The following DUOX2 variants were observed in gnomAD, a reference collection of about 807,000 sequenced individuals.
The protein encoded by DUOX2 is dual oxidase 2.
Under a neutral mutation model 183.3 loss-of-function variants are expected in DUOX2, and 185 were observed. The observed-to-expected ratio is 1.01, with a 90% CI of 0.90 to 1.14. The LOEUF is 1.14. DUOX2 is among the 50% of genes most tolerant of loss of function. The pLI is 0.00. For missense variants in DUOX2, 1,999 were observed against 2,022.9 expected (o/e 0.99, Z 0.23); for synonymous variants, 788 against 812.4 (o/e 0.97, Z 0.51).
chr15:45,093,812 G>C lies in DUOX2; in HGVS notation c.*338C>G, dbSNP rs574361776. 1 of 339,430 alleles carries C rather than the reference G, an allele frequency of 2.9e-6. No homozygotes were observed. The highest frequency in any genetic ancestry group is 6.8e-5 in the East Asian group (1 of 14,732). 21.0% of individuals were successfully genotyped at this position (339,430 alleles called of 1,614,324 possible). ...TTGCTTGCCACGCCTGCCATGGCTTGAGCTGGGGTGAGGAGTGGTCTTTAT... is the reference window on the plus strand; with the variant it reads ...TTGCTTGCCACGCCTGCCATGGCTTCAGCTGGGGTGAGGAGTGGTCTTTAT... On this transcript the variant is annotated 3_prime_UTR_variant, in exon 34 of 34. Transcript: ENST00000389039.
At chr15:45,112,232 G>C (rs1289268403) in intron 4 of DUOX2, among the ~76,000 whole-genome samples, 1 of 152,176 alleles carries the variant, frequency 6.6e-6, no homozygotes, top group African/African-American at 2.4e-5. Context: ...CTCCCTCTGG[G>C]CTAGGGGGAG....
At position 45,096,053 on chromosome 15, in the gene DUOX2, G is replaced by A. The variant is rs767698445; in HGVS notation, c.3855C>T (p.Thr1285=). The A allele has an allele frequency of 1.9e-6, 3 of 1,613,784 alleles. No homozygotes were observed. The highest frequency in any genetic ancestry group is 1.3e-5 in the African/African-American group (1 of 74,886). The stretch of plus-strand genomic sequence containing the variant: ...CTTGGGGCCTCTGGAATTGCAGGTA[G>A]GTCACTCCTGGAGGTCATAGACAGG... The part of the protein sequence containing the change: ...VKAELLPSGV[T]YLQFQRPQGF... Residue 1285 remains threonine (T), a synonymous_variant, in exon 30 of 34, where the codon ACC becomes ACT. Coordinates refer to ENST00000389039, the MANE Select transcript of DUOX2 (RefSeq NM_001363711.2).
chr15:45,095,496 A>C lies in DUOX2; in HGVS notation c.4180T>G (p.Ser1394Ala). 2 of 1,614,204 alleles carry C rather than the reference A, an allele frequency of 1.2e-6. No individual in the cohort carries two copies. The highest frequency in any genetic ancestry group is 1.7e-6 in the Non-Finnish European group (2 of 1,180,026). ...GGGIGVTPFA[S>A]ILKDLVFKSS... ...TTGAAGACCAGGTCTTTGAGGATGG[A>C]GGCAAAGGGGGTGACCCCAATGCCC... Residue 1394 changes from serine (S) to alanine (A), a missense_variant, in exon 31 of 34, where the codon TCC (serine) becomes GCC (alanine). By Grantham distance (99) the Ser-to-Ala change is moderately conservative. Transcript: ENST00000389039.
rs1358886500 is a variant in DUOX2 at position 45,113,328 on chromosome 15, A to G, written c.70+14T>C. ...CTGGGGAACACCCCGCCGCTAGAGG[A>G]GCCTGATACTTGCCCGATGGACCCA... is the stretch of plus-strand genomic sequence containing the variant. On this transcript the variant is annotated intron_variant, in intron 2 of 33. Coordinates refer to ENST00000389039, the MANE Select transcript of DUOX2 (RefSeq NM_001363711.2). 1 of 1,556,640 alleles carries G rather than the reference A, an allele frequency of 6.4e-7. No homozygotes were observed. Among genetic ancestry groups the G allele is most frequent in the Non-Finnish European group, 8.7e-7 (1 of 1,149,440 alleles).
In DUOX2 at chr15:45,099,769, C is replaced by T. The variant is rs149907592; in HGVS notation, c.3308G>A (p.Arg1103His). The change falls in exon 25 of 34, where the codon CGC becomes CAC. Residue 1103 changes from arginine to histidine, a missense_variant. Arg to His is a conservative substitution (Grantham distance 29). Coordinates refer to ENST00000389039, the MANE Select transcript of DUOX2 (RefSeq NM_001363711.2). ...CTCTCGCAGGAAGGTTATGAGGTTG[C>T]GGCACATGGTGAGCAAGATATAAGA... The part of the protein sequence containing the change: ...MFSYILLTMC[R>H]NLITFLRETF... 27 of 1,614,038 alleles carry T rather than the reference C, an allele frequency of 1.7e-5. No homozygotes were observed. The highest frequency in any genetic ancestry group is 8.8e-5 in the South Asian group (8 of 91,092).
Position 45,095,951 on chromosome 15 carries a change from T to C in DUOX2, c.3957A>G (p.Thr1319=). ...TGTCCTCATGGGGCGCGGAGGTCAG[T>C]GTGAAGGGGTGGTACTCGGTGGTCC... ...ALGTTEYHPF[T]LTSAPHEDTL... Residue 1319 remains threonine, a synonymous_variant, in exon 30 of 34, where the codon ACA becomes ACG. Coordinates refer to ENST00000389039, the MANE Select transcript of DUOX2 (RefSeq NM_001363711.2). 1 of 1,613,738 alleles carries C rather than the reference T, an allele frequency of 6.2e-7. No individual in the cohort carries two copies. Among genetic ancestry groups the C allele is most frequent in the Non-Finnish European group, 8.5e-7 (1 of 1,179,946 alleles).
At chr15:45,096,808 A>T (rs1215733825) in intron 29 of DUOX2, among the ~76,000 whole-genome samples, 2 of 152,158 alleles carry the variant, frequency 1.3e-5, no homozygotes, top group African/African-American at 4.8e-5. Flanking sequence ...ACCCTCTATG[A>T]TGATACCAAT....
Position 45,094,260 on chromosome 15 carries a change from C to A in DUOX2, c.4537G>T (p.Gly1513Trp). 2.5e-6 allele frequency: 4 copies of A among 1,614,166 alleles called. No individual in the cohort carries two copies. The highest frequency in any genetic ancestry group is 3.4e-6 in the Non-Finnish European group (4 of 1,180,038). Residue 1513 changes from glycine to tryptophan, a missense_variant, in exon 34 of 34, where the codon GGG (glycine) becomes TGG (tryptophan). This residue lies in a region of DUOX2 where 1,628 missense variants were observed against 1,608.6 expected (regional missense o/e 1.01). Transcript: ENST00000389039. Reference sequence around the variant, plus strand: ...CCTGGAGGGCCGCAGCTGAACACCCCGATCTTGCGCACCTGTCAGGAGATT... The same window carrying A: ...CCTGGAGGGCCGCAGCTGAACACCCAGATCTTGCGCACCTGTCAGGAGATT... ...QEVHPQVRKI[G>W]VFSCGPPGMT...
In DUOX2 at chr15:45,101,915, T is replaced by C. The variant is rs143787928; in HGVS notation, c.2729A>G (p.Glu910Gly). ...LAEVVESMFR[E>G]SGFQDKEELT... ...CTCCTCCTTGTCCTGGAATCCCGACTCCCGGAACATAGACTCCACCACCTC... is the reference window on the plus strand; with the variant it reads ...CTCCTCCTTGTCCTGGAATCCCGACCCCCGGAACATAGACTCCACCACCTC... Residue 910 changes from glutamate to glycine, a missense_variant, in exon 21 of 34, where the codon GAG becomes GGG. Coordinates refer to ENST00000389039, the MANE Select transcript of DUOX2 (RefSeq NM_001363711.2). 2.4e-5 allele frequency: 38 copies of C among 1,614,026 alleles called. No individual in the cohort carries two copies. The highest frequency in any genetic ancestry group is 3.1e-5 in the Non-Finnish European group (37 of 1,180,040).
rs763354648 is a variant in DUOX2, at chr15:45,095,955, A to G, written c.3953T>C (p.Phe1318Ser). ...LALGTTEYHP[F>S]TLTSAPHEDT... ...CTCATGGGGCGCGGAGGTCAGTGTG[A>G]AGGGGTGGTACTCGGTGGTCCCCAG... The change falls in exon 30 of 34, where the codon TTC becomes TCC. Residue 1318 changes from phenylalanine to serine, a missense_variant. By Grantham distance (155) the Phe-to-Ser change is radical (BLOSUM62 -2). Around this residue, in one of 3 missense-constraint regions of DUOX2, gnomAD observed 1,628 missense variants for 1,608.6 expected, o/e 1.01. Coordinates refer to ENST00000389039, the MANE Select transcript of DUOX2 (RefSeq NM_001363711.2). The G allele has an allele frequency of 6.2e-7, 1 of 1,613,864 alleles. No individual in the cohort carries two copies. The highest frequency in any genetic ancestry group is 1.1e-5 in the South Asian group (1 of 91,052).
intron 16 of DUOX2, 23 bp downstream of exon 16, chr15:45,106,505 T>C (rs1396660077): frequency 6.2e-7 from 1 of 1,611,768 alleles, no homozygotes; most frequent in Non-Finnish European, 8.5e-7. Context: ...CCCTCCTCCC[T>C]CCTCTGCCCA....
At chr15:45,099,580 A>G in intron 25 of DUOX2, 82 bp downstream of exon 25, 2 of 1,566,344 alleles carry the variant, frequency 1.3e-6, no homozygotes, top group South Asian at 1.1e-5. Flanking sequence ...ATGGAGGTAT[A>G]AGGAGTTCCA....
intron 5 of DUOX2, 62 bp from the exon 6 acceptor site, chr15:45,111,647 G>A: frequency 1.4e-6 from 2 of 1,453,932 alleles, no homozygotes; most frequent in South Asian, 1.4e-5. Flanking sequence ...GGAAGGCCGG[G>A]GCCCGGCGGG....
rs759378295 is a variant in DUOX2, at chr15:45,099,822, G to C, written c.3255C>G (p.Gly1085=). ...TTLVGIILSR[G]TAASVSFMFS... ...ACATGAAGGAGACGCTGGCCGCCGTGCCTCGTGACAGGATGATGCCCACGA... is the reference window on the plus strand; with the variant it reads ...ACATGAAGGAGACGCTGGCCGCCGTCCCTCGTGACAGGATGATGCCCACGA... The change falls in exon 25 of 34, where the codon GGC becomes GGG. Residue 1085 remains glycine (G), a synonymous_variant. Transcript: ENST00000389039. The C allele has an allele frequency of 6.2e-7, 1 of 1,614,238 alleles. No individual in the cohort carries two copies.
chr15:45,094,827 C>T (rs1379772120), intron 32 of DUOX2, 109 bp downstream of exon 32: 4 of 1,594,108 alleles, frequency 2.5e-6, no homozygotes, highest in African/African-American at 2.7e-5. Flanking sequence ...CAGCTCTGTG[C>T]CTCCTGCCAG....
Position 45,105,637 on chromosome 15 carries a change from T to C in DUOX2, c.2334+6A>G, listed in dbSNP as rs377668847. 2.7e-5 allele frequency: 43 copies of C among 1,614,086 alleles called. No homozygotes were observed. The African/African-American group carries it at 5.3e-4, about 20-fold the overall frequency. ...ACCCATCTCCAAAAGGCACAGGTCA[T>C]GGCACCTGAGCAAAAAGGTGTCTGA... On this transcript the variant is annotated splice_donor_region_variant and intron_variant, in intron 18 of 33. Coordinates refer to ENST00000389039, the MANE Select transcript of DUOX2 (RefSeq NM_001363711.2).
At position 45,108,533 on chromosome 15, in the gene DUOX2, A is replaced by G. The variant is rs547699336; in HGVS notation, c.1398+256T>C. The G allele has an allele frequency of 1.3e-5, 8 of 608,358 alleles. No individual in the cohort carries two copies. In the East Asian group the frequency reaches 1.7e-4, roughly 13 times the overall value. 37.7% of individuals were successfully genotyped at this position (608,358 alleles called of 1,614,324 possible). A position where few individuals can be genotyped will look rare whatever the true frequency, so the allele number is the denominator to read the frequency against. On this transcript the variant is annotated intron_variant, in intron 12 of 33. Coordinates refer to ENST00000389039, the MANE Select transcript of DUOX2 (RefSeq NM_001363711.2). ...GGTGGGACCCTGCAGCAACAGGACA[A>G]TGGCACCCAACCCAGAAGCCACCCT...
intron 29 of DUOX2, 57 bp from the exon 30 acceptor site, chr15:45,096,117 G>A (rs1408574716): frequency 6.9e-7 from 1 of 1,453,054 alleles, no homozygotes; most frequent in East Asian, 2.3e-5. Context: ...TGGTACCTGA[G>A]GACTGATAGG....
In DUOX2 at chr15:45,114,162, T is replaced by C; in HGVS notation, c.-204A>G. 1 of 308,284 alleles carries C rather than the reference T, an allele frequency of 3.2e-6. No individual in the cohort carries two copies. Among genetic ancestry groups the C allele is most frequent in the Non-Finnish European group, 6.3e-6 (1 of 157,672 alleles). 19.1% of individuals were successfully genotyped at this position (308,284 alleles called of 1,614,324 possible). A position where few individuals can be genotyped will look rare whatever the true frequency, so the allele number is the denominator to read the frequency against. ...TGCAGGTGTCGGCTCAGGACAGACC[T>C]GCGCCAGTGTGAGCATCTGGACCTA... is the stretch of plus-strand genomic sequence containing the variant. On this transcript the variant is annotated 5_prime_UTR_variant, in exon 1 of 34. Coordinates refer to ENST00000389039, the MANE Select transcript of DUOX2 (RefSeq NM_001363711.2).
Sources: allele counts gnomAD v4.1 joint callset (sites outside exome capture counted in the v4.1 genomes callset), GRCh38; gene constraint gnomAD v4.1.1; regional missense constraint gnomAD v4.1.1; transcripts MANE v1.5; gene names NCBI Gene and HGNC (gene_info 2026-07-23, HGNC 2026-07-21).